The following ADAMTS3 variants were observed in gnomAD, a reference collection of about 807,000 sequenced individuals.
ADAMTS3 encodes A disintegrin and metalloproteinase with thrombospondin motifs 3.
In ADAMTS3, 73 loss-of-function variants were observed where a neutral mutation model predicts 129.0. That is an observed-to-expected ratio of 0.57 (90% CI 0.47 to 0.69). The LOEUF (loss-of-function observed/expected upper bound fraction) is 0.69. ADAMTS3 is among the 30% of genes least tolerant of loss of function. ADAMTS3 has a pLI of 0.00. For synonymous variants in ADAMTS3, 477 were observed against 510.8 expected (o/e 0.93, Z 0.89); for missense variants, 1,457 against 1,514.5 (o/e 0.96, Z 0.63).
chr4:72,499,176 A>T (rs1231124413), intron 3 of ADAMTS3, among the ~76,000 whole-genome samples: 1 of 152,164 alleles, frequency 6.6e-6, no homozygotes, highest in East Asian at 1.9e-4. Context: ...AATTCAGAAG[A>T]CATCTTCCAT....
chr4:72,344,148 A>G (rs1454367896), intron 4 of ADAMTS3, among the ~76,000 whole-genome samples: 1 of 152,168 alleles, frequency 6.6e-6, no homozygotes, highest in Non-Finnish European at 1.5e-5. Context: ...AGTGTTAAGT[A>G]TAAGATTATC....
chr4:72,335,515 T>C (rs1170134720), intron 5 of ADAMTS3, among the ~76,000 whole-genome samples: 1 of 152,156 alleles, frequency 6.6e-6, no homozygotes, highest in Non-Finnish European at 1.5e-5. Context: ...ACTTAAATTA[T>C]GATTGAGTTA....
At chr4:72,566,055 A>G (rs1722013208) in intron 2 of ADAMTS3, among the ~76,000 whole-genome samples, 1 of 152,208 alleles carries the variant, frequency 6.6e-6, no homozygotes, top group African/African-American at 2.4e-5. Context: ...TAAAAAGATA[A>G]GGATTGATGG....
At chr4:72,322,466 T>G (rs141997267) in intron 6 of ADAMTS3, among the ~76,000 whole-genome samples, 6 of 152,184 alleles carry the variant, frequency 3.9e-5, no homozygotes, top group African/African-American at 1.4e-4. Context: ...ACTCTTTGCT[T>G]TTGAAAAAAT....
intron 4 of ADAMTS3, among the ~76,000 whole-genome samples, chr4:72,390,197 A>G (rs533391647): frequency 3.9e-5 from 6 of 152,336 alleles, no homozygotes; most frequent in Admixed American, 2.6e-4. Context: ...TCAGAACCCT[A>G]TAGTACTAAT....
intron 5 of ADAMTS3, among the ~76,000 whole-genome samples, chr4:72,338,063 T>C (rs896027954): frequency 1.3e-5 from 2 of 152,094 alleles, no homozygotes; most frequent in African/African-American, 4.8e-5. Context: ...ATAGAGAAAC[T>C]AAAATATGAT....
chr4:72,517,838 C>G (rs1169611568), intron 3 of ADAMTS3, among the ~76,000 whole-genome samples: 5 of 151,524 alleles, frequency 3.3e-5, no homozygotes, highest in Non-Finnish European at 7.4e-5. Flanking sequence ...CTATTTCCTT[C>G]AGTTCTGCTC....
chr4:72,351,146 G>A (rs536333808), intron 4 of ADAMTS3, among the ~76,000 whole-genome samples: 3 of 152,110 alleles, frequency 2.0e-5, no homozygotes, highest in East Asian at 3.9e-4. Context: ...GATAGCCAAC[G>A]TCTTGCAGAC....
At chr4:72,452,661 T>C (rs951778666) in intron 3 of ADAMTS3, among the ~76,000 whole-genome samples, 1 of 151,772 alleles carries the variant, frequency 6.6e-6, no homozygotes, top group African/African-American at 2.4e-5. Context: ...GCTCTCATAA[T>C]ACACAGGCAG....
chr4:72,530,727 CATTATATATTATATAT>C (rs1560554538), intron 3 of ADAMTS3, among the ~76,000 whole-genome samples: 7 of 66,440 alleles, frequency 1.1e-4, no homozygotes, highest in East Asian at 4.8e-4. Flanking sequence ...TAATATTATA[CATTATATATTATATAT>C]ATTATATATT....
chr4:72,460,181 A>T (rs2109982847), intron 3 of ADAMTS3, among the ~76,000 whole-genome samples: 1 of 151,688 alleles, frequency 6.6e-6, no homozygotes, highest in South Asian at 2.1e-4. Flanking sequence ...TTTCAACCAA[A>T]GATTTGTTCA....
chr4:72,499,836 C>T (rs142673410), intron 3 of ADAMTS3, among the ~76,000 whole-genome samples: 2 of 152,110 alleles, frequency 1.3e-5, no homozygotes, highest in East Asian at 3.9e-4. Context: ...TCCATGAGTA[C>T]CTATTGTTGA....
intron 2 of ADAMTS3, among the ~76,000 whole-genome samples, chr4:72,563,429 A>G (rs1249562154): frequency 6.6e-6 from 1 of 152,188 alleles, no homozygotes; most frequent in Non-Finnish European, 1.5e-5. Context: ...TTGGATTGAC[A>G]GATTTTAATC....
intron 3 of ADAMTS3, among the ~76,000 whole-genome samples, chr4:72,431,612 G>A (rs1047941861): frequency 6.6e-6 from 1 of 151,908 alleles, no homozygotes; most frequent in African/African-American, 2.4e-5. Context: ...AGTAAACTTT[G>A]TGTTTAGTCT....
intron 13 of ADAMTS3, 59 bp from the exon 14 acceptor site, chr4:72,311,240 T>G: frequency 7.1e-7 from 1 of 1,409,052 alleles, no homozygotes; most frequent in Non-Finnish European, 9.6e-7. Context: ...TTGAACAGCA[T>G]AGTTTATTTT....
intron 21 of ADAMTS3, among the ~76,000 whole-genome samples, chr4:72,284,556 A>C (rs557437222): frequency 6.6e-6 from 1 of 152,182 alleles, no homozygotes; most frequent in Non-Finnish European, 1.5e-5. Flanking sequence ...AGTATGCCAA[A>C]TTTCTTATGA....
At position 72,320,770 on chromosome 4, in the gene ADAMTS3, T is replaced by C; in HGVS notation, c.1046A>G (p.His349Arg). 1.2e-6 allele frequency: 2 copies of C among 1,613,992 alleles called. No homozygotes were observed. Among genetic ancestry groups the C allele is most frequent in the East Asian group, 4.5e-5 (2 of 44,848 alleles). ...QQRSDLNHSE[H>R]HDHAIFLTRQ... ...GGTTAAAAAAATTGCATGGTCATGG[T>C]GTTCAGAGTGGTTGAGATCAGATCT... is the stretch of plus-strand genomic sequence containing the variant. Residue 349 changes from histidine (H) to arginine (R), a missense_variant, in exon 7 of 22, where the codon CAC (histidine) becomes CGC (arginine). Transcript: ENST00000286657.
At chr4:72,415,149 A>T (rs1471326623) in intron 3 of ADAMTS3, among the ~76,000 whole-genome samples, 178 bp from the exon 4 acceptor site, 1 of 152,066 alleles carries the variant, frequency 6.6e-6, no homozygotes, top group Non-Finnish European at 1.5e-5. Flanking sequence ...CATATAAGGT[A>T]GAAATTCACA....
intron 3 of ADAMTS3, 118 bp downstream of exon 3, chr4:72,548,360 C>T (rs1244906781): frequency 6.3e-6 from 7 of 1,114,860 alleles, no homozygotes; most frequent in African/African-American, 1.6e-5. Flanking sequence ...TTTTTCTGAA[C>T]TTAAAATGTA....
Sources: gnomAD v4.1 joint callset for allele counts (sites outside exome capture counted in the v4.1 genomes callset) on GRCh38, gnomAD v4.1.1 for gene constraint, MANE v1.5 for transcripts, NCBI Gene and HGNC (gene_info 2026-07-23, HGNC 2026-07-21) for gene names.